SCRG1: variants seen among roughly 807,000 people sequenced by gnomAD.
SCRG1 encodes scrapie-responsive protein 1.
A neutral mutation model predicts 7.7 loss-of-function variants in SCRG1; 3 were observed. The observed-to-expected ratio is 0.39, with a 90% CI of 0.18 to 1.01. The LOEUF is 1.01. SCRG1 is among the 50% of genes least tolerant of loss of function. SCRG1 has a pLI of 0.36. For synonymous variants in SCRG1, 46 were observed against 41.2 expected, an observed-to-expected ratio of 1.12 and a Z score of -0.44; for missense variants, 110 against 117.2, an observed-to-expected ratio of 0.94 and a Z score of 0.28.
intron 2 of SCRG1, 33 bp downstream of exon 2, chr4:173,391,140 C>T (rs763866554): frequency 1.9e-6 from 3 of 1,608,458 alleles, no homozygotes; most frequent in Non-Finnish European, 2.5e-6. Flanking sequence ...CATACATTTC[C>T]AGGCAATACA....
At chr4:173,518,280 GCTCCACGGGAGCCAGTCTTGGATAC>G in the SCRG1 span, among the ~76,000 whole-genome samples, 1 of 152,166 alleles carries the variant, frequency 6.6e-6, no homozygotes, top group Non-Finnish European at 1.5e-5. Context: ...GGCCACTGCT[GCTCCACGGGAGCCAGTCTTGGATAC>G]CTAGGGTGGG....
At chr4:173,490,602 G>A in the SCRG1 span, among the ~76,000 whole-genome samples, 13 of 152,324 alleles carry the variant, frequency 8.5e-5, 1 homozygote, top group South Asian at 2.7e-3. Flanking sequence ...GCAGGAAAGT[G>A]CTAATGGTTA....
At chr4:173,444,402 G>A in the SCRG1 span, among the ~76,000 whole-genome samples, 1 of 152,198 alleles carries the variant, frequency 6.6e-6, no homozygotes, top group Non-Finnish European at 1.5e-5. Flanking sequence ...AAAGGACATA[G>A]TGCATATTTA....
the SCRG1 span, among the ~76,000 whole-genome samples, chr4:173,443,941 TTTTGTG>T: frequency 2.6e-5 from 3 of 115,860 alleles, no homozygotes; most frequent in African/African-American, 6.4e-5. Context: ...AAAGAGCTTG[TTTTGTG>T]TGTGTGTGTG....
At chr4:173,408,991 CAAAA>C (rs991902394), upstream of SCRG1, among the ~76,000 whole-genome samples, 3 of 51,264 alleles carry the variant, frequency 5.9e-5, no homozygotes, top group East Asian at 7.9e-4. Context: ...GACTCAGTCT[CAAAA>C]AAAAAAAAAA....
At chr4:173,464,198 CT>C in the SCRG1 span, among the ~76,000 whole-genome samples, 1 of 152,168 alleles carries the variant, frequency 6.6e-6, no homozygotes, top group African/African-American at 2.4e-5. Flanking sequence ...ATAAAAATCA[CT>C]TTTATTTCAA....
chr4:173,474,126 A>G, the SCRG1 span, among the ~76,000 whole-genome samples: 1 of 152,128 alleles, frequency 6.6e-6, no homozygotes, highest in Non-Finnish European at 1.5e-5. Context: ...AGCCAAGATC[A>G]TGCCACTGCA....
chr4:173,464,226 T>C, the SCRG1 span, among the ~76,000 whole-genome samples: 1 of 152,218 alleles, frequency 6.6e-6, no homozygotes, highest in South Asian at 2.1e-4. Context: ...CAATATTTTA[T>C]GAAAAATTTC....
At chr4:173,457,042 G>C in the SCRG1 span, among the ~76,000 whole-genome samples, 1 of 152,224 alleles carries the variant, frequency 6.6e-6, no homozygotes, top group Non-Finnish European at 1.5e-5. Context: ...TCAGAGGCCA[G>C]AAAGAGATAA....
chr4:173,418,421 C>T, the SCRG1 span, among the ~76,000 whole-genome samples: 7 of 152,208 alleles, frequency 4.6e-5, no homozygotes, highest in Non-Finnish European at 7.3e-5. Flanking sequence ...CCAAATCCAG[C>T]ACAGCTGAGC....
At chr4:173,418,279 G>T in the SCRG1 span, among the ~76,000 whole-genome samples, 1 of 152,208 alleles carries the variant, frequency 6.6e-6, no homozygotes, top group Non-Finnish European at 1.5e-5. Flanking sequence ...TGCTGCCAGA[G>T]CAGAAGCTTT....
At chr4:173,461,773 G>T in the SCRG1 span, among the ~76,000 whole-genome samples, 1 of 151,940 alleles carries the variant, frequency 6.6e-6, no homozygotes, top group Non-Finnish European at 1.5e-5. Context: ...TTCAGACAGA[G>T]AATTCAAATT....
the SCRG1 span, among the ~76,000 whole-genome samples, chr4:173,471,135 T>G: frequency 2.0e-5 from 3 of 152,212 alleles, no homozygotes; most frequent in Non-Finnish European, 4.4e-5. Context: ...AGAGTCATAG[T>G]CAGAAAAAAG....
chr4:173,396,891 A>G (rs544165470), intron 1 of SCRG1, among the ~76,000 whole-genome samples: 9 of 151,934 alleles, frequency 5.9e-5, no homozygotes, highest in African/African-American at 2.2e-4. Flanking sequence ...CATCTCTACT[A>G]AAAATACAAA....
the SCRG1 span, among the ~76,000 whole-genome samples, chr4:173,472,946 C>T: frequency 2.6e-5 from 4 of 152,172 alleles, no homozygotes; most frequent in Non-Finnish European, 4.4e-5. Flanking sequence ...AATAAATTTA[C>T]ATGCAAAGAA....
chr4:173,515,858 A>T, the SCRG1 span, among the ~76,000 whole-genome samples: 1 of 152,182 alleles, frequency 6.6e-6, no homozygotes, highest in Non-Finnish European at 1.5e-5. This position sits in a 1 kb window ranked among gnomAD's most constrained non-coding sequence, Gnocchi z 4.6. Flanking sequence ...TATCTTTTTC[A>T]GAGAGTTTGT....
the SCRG1 span, among the ~76,000 whole-genome samples, chr4:173,462,102 A>G: frequency 6.6e-6 from 1 of 152,196 alleles, no homozygotes; most frequent in Non-Finnish European, 1.5e-5. Context: ...AATTGGCCTT[A>G]AAGAGGAGGT....
the SCRG1 span, among the ~76,000 whole-genome samples, chr4:173,432,317 C>CCTT: frequency 8.1e-6 from 1 of 123,370 alleles, no homozygotes; most frequent in African/African-American, 3.0e-5. Flanking sequence ...CTCCCTCCTT[C>CCTT]CCTTCCTTCC....
the SCRG1 span, among the ~76,000 whole-genome samples, chr4:173,503,644 G>C: frequency 2.6e-5 from 4 of 152,158 alleles, no homozygotes; most frequent in African/African-American, 9.7e-5. This position sits in a 1 kb window ranked among gnomAD's most constrained non-coding sequence, Gnocchi z 6.4. Context: ...AAATATCCTT[G>C]TTTTGCAAAG....
Sources: gnomAD v4.1 joint callset for allele counts (sites outside exome capture counted in the v4.1 genomes callset) on GRCh38, gnomAD v4.1.1 for gene constraint, Gnocchi (gnomAD v3.1) non-coding constraint, MANE v1.5 for transcripts, NCBI Gene and HGNC (gene_info 2026-07-23, HGNC 2026-07-21) for gene names.